Variants in ANO3 observed in about 807,000 individuals in gnomAD.
ANO3 encodes anoctamin-3.
ANO3 carries 99 observed loss-of-function variants against 144.8 expected under a neutral mutation model. The observed-to-expected ratio is 0.68, with a 90% CI of 0.58 to 0.81. The LOEUF (loss-of-function observed/expected upper bound fraction) is 0.81, where lower values mean the gene tolerates loss of function less well. Among genes scored for constraint, ANO3 ranks in the 30% least tolerant of loss-of-function variants. ANO3 has a pLI of 0.00. For missense variants in ANO3, 905 were observed against 1,202.2 expected, an observed-to-expected ratio of 0.75 and a Z score of 3.66; for synonymous variants, 414 against 392.6, an observed-to-expected ratio of 1.05 and a Z score of -0.64.
intron 1 of ANO3, among the ~76,000 whole-genome samples, chr11:26,276,660 AGG>A (rs1853566507): frequency 6.6e-6 from 1 of 152,180 alleles, no homozygotes; most frequent in African/African-American, 2.4e-5. Context: ...GGAATACACT[AGG>A]TTAGACCACG....
intron 1 of ANO3, among the ~76,000 whole-genome samples, chr11:26,339,045 C>T (rs1446614232): frequency 2.0e-5 from 3 of 152,110 alleles, no homozygotes; most frequent in Non-Finnish European, 2.9e-5. Flanking sequence ...TTCTTATTTT[C>T]AAGGTAAGGG....
intron 4 of ANO3, among the ~76,000 whole-genome samples, chr11:26,474,743 A>G (rs1291866040): frequency 3.3e-5 from 5 of 151,920 alleles, no homozygotes; most frequent in Non-Finnish European, 5.9e-5. Flanking sequence ...TCCATCGGGA[A>G]AATTTCCATT....
chr11:26,659,867 G>T (rs1430512886), intron 26 of ANO3, among the ~76,000 whole-genome samples: 1 of 152,210 alleles, frequency 6.6e-6, no homozygotes. Flanking sequence ...TGCATTCTAT[G>T]TGGTTTACAT....
At chr11:26,567,308 A>G (rs956623371) in intron 14 of ANO3, among the ~76,000 whole-genome samples, 3 of 151,736 alleles carry the variant, frequency 2.0e-5, no homozygotes, top group African/African-American at 7.3e-5. Context: ...ATTGAACCTT[A>G]TTTTTCACTG....
chr11:26,206,567 A>G (rs1358648991), intron 1 of ANO3, among the ~76,000 whole-genome samples: 1 of 152,162 alleles, frequency 6.6e-6, no homozygotes, highest in Non-Finnish European at 1.5e-5. Flanking sequence ...TACTTCACAA[A>G]TGAAAATTAT....
At chr11:26,618,765 CCT>C (rs1852331630) in intron 17 of ANO3, among the ~76,000 whole-genome samples, 1 of 152,136 alleles carries the variant, frequency 6.6e-6, no homozygotes, top group Admixed American at 6.5e-5. Context: ...CTTTTATACC[CCT>C]GTCTCTTTCT....
At chr11:26,613,612 T>G (rs1331536124) in intron 17 of ANO3, among the ~76,000 whole-genome samples, 1 of 152,224 alleles carries the variant, frequency 6.6e-6, no homozygotes, top group Non-Finnish European at 1.5e-5. Flanking sequence ...TGTAAATTTG[T>G]TCTTTCTGGT....
chr11:26,417,012 A>G (rs1857609204), intron 1 of ANO3, among the ~76,000 whole-genome samples: 1 of 152,120 alleles, frequency 6.6e-6, no homozygotes, highest in Non-Finnish European at 1.5e-5. Context: ...GCAAAGAGGC[A>G]AGACCAAGAA....
intron 14 of ANO3, among the ~76,000 whole-genome samples, chr11:26,564,202 G>C (rs1380989327): frequency 6.6e-6 from 1 of 151,524 alleles, no homozygotes; most frequent in African/African-American, 2.4e-5. Context: ...CAAAAGAGAG[G>C]AAGCATTTTT....
rs550057766 is a variant in ANO3 at position 26,586,503 on chromosome 11, C to CTTTT, written c.1448-11847_1448-11844dup. Among the ~76,000 whole-genome samples the CTTTT allele has an allele frequency of 9.6e-4, 78 of 81,454 alleles. 12 individuals are homozygous for CTTTT. Among genetic ancestry groups the CTTTT allele is most frequent in the African/African-American group, 2.3e-3 (43 of 19,054 alleles). 53.4% of individuals were successfully genotyped at this position (81,454 alleles called of 152,430 possible). A position where few individuals can be genotyped will look rare whatever the true frequency, so the allele number is the denominator to read the frequency against. ...AAGAAGGGGCTTCCCTGGTGAGAAT[C>CTTTT]TTTTTTTTTTTTTTTTTTGAGACAT... On this transcript the variant is annotated intron_variant, in intron 14 of 26. Transcript: ENST00000256737.
upstream of ANO3, among the ~76,000 whole-genome samples, chr11:26,304,889 G>C (rs1854338919): frequency 6.6e-6 from 1 of 151,988 alleles, no homozygotes; most frequent in Non-Finnish European, 1.5e-5. Flanking sequence ...CTACCAAATT[G>C]CTCTCCAACC....
intron 1 of ANO3, among the ~76,000 whole-genome samples, chr11:26,365,608 A>T (rs1024562614): frequency 6.6e-6 from 1 of 152,178 alleles, no homozygotes; most frequent in African/African-American, 2.4e-5. Context: ...AACCATGGGG[A>T]AGCCACCACA....
intron 1 of ANO3, among the ~76,000 whole-genome samples, chr11:26,273,935 T>G (rs980936165): frequency 1.3e-5 from 2 of 152,136 alleles, no homozygotes; most frequent in Non-Finnish European, 2.9e-5. Flanking sequence ...GAGCTTCACA[T>G]AAGCTGTGAT....
chr11:26,194,140 A>AATGGTTTT (rs1253294472), intron 1 of ANO3, among the ~76,000 whole-genome samples: 88 of 152,286 alleles, frequency 5.8e-4, no homozygotes, highest in African/African-American at 2.0e-3. Flanking sequence ...AGGTGAGGTC[A>AATGGTTTT]CTTATTATAA....
intron 26 of ANO3, among the ~76,000 whole-genome samples, chr11:26,657,701 TTGAG>T (rs1853735048): frequency 6.6e-6 from 1 of 152,156 alleles, no homozygotes; most frequent in Non-Finnish European, 1.5e-5. Context: ...TAGTATTAAT[TTGAG>T]TGTTCTTTTT....
chr11:26,478,793 A>G (rs1015520610), intron 4 of ANO3, among the ~76,000 whole-genome samples: 3 of 152,134 alleles, frequency 2.0e-5, no homozygotes, highest in African/African-American at 7.2e-5. Context: ...TGGTTATATA[A>G]CTAGGGGTCT....
intron 1 of ANO3, among the ~76,000 whole-genome samples, chr11:26,411,607 T>A (rs1857434429): frequency 6.6e-6 from 1 of 151,922 alleles, no homozygotes; most frequent in Non-Finnish European, 1.5e-5. Context: ...TTAGCCAGTA[T>A]CATCTCCAAG....
chr11:26,602,936 T>C (rs1307087231), intron 17 of ANO3, among the ~76,000 whole-genome samples: 1 of 152,090 alleles, frequency 6.6e-6, no homozygotes, highest in East Asian at 1.9e-4. Context: ...AAAAGATAAA[T>C]AGTCACAACT....
At chr11:26,292,259 T>A (rs574945959) in intron 1 of ANO3, among the ~76,000 whole-genome samples, 1 of 152,304 alleles carries the variant, frequency 6.6e-6, no homozygotes, top group Admixed American at 6.5e-5. Flanking sequence ...TTCAGCTCCA[T>A]CAGGTCATTT....
Sources: gnomAD v4.1 joint callset for allele counts (sites outside exome capture counted in the v4.1 genomes callset) on GRCh38, gnomAD v4.1.1 for gene constraint, MANE v1.5 for transcripts, NCBI Gene and HGNC (gene_info 2026-07-23, HGNC 2026-07-21) for gene names.